TF: variants seen among roughly 807,000 people sequenced by gnomAD.
TF encodes serotransferrin.
In TF, 55 loss-of-function variants were observed where a neutral mutation model predicts 82.4. That is an observed-to-expected ratio of 0.67 (90% CI 0.54 to 0.84). The LOEUF (loss-of-function observed/expected upper bound fraction) is 0.84, where lower values mean the gene tolerates loss of function less well. TF is among the 40% of genes least tolerant of loss of function. The pLI, the probability that TF is intolerant of heterozygous loss-of-function variation, is 0.00. For missense variants in TF, 737 were observed against 868.4 expected (o/e 0.85, Z 1.90); for synonymous variants, 332 against 332.6 (o/e 1.00, Z 0.02).
At chr3:133,686,908 TG>T in the TF span, among the ~76,000 whole-genome samples, 1 of 152,316 alleles carries the variant, frequency 6.6e-6, no homozygotes, top group African/African-American at 2.4e-5. Flanking sequence ...ATGTTTATTG[TG>T]GCACTATTCA....
the TF span, among the ~76,000 whole-genome samples, chr3:133,733,310 C>G: frequency 6.6e-6 from 1 of 152,176 alleles, no homozygotes; most frequent in Non-Finnish European, 1.5e-5. Flanking sequence ...GTGACACAGG[C>G]TGCCTATTTC....
chr3:133,790,415 G>T lies in TF; in HGVS notation c.*11795G>T, dbSNP rs145864710. On this transcript the variant is annotated 3_prime_UTR_variant, in exon 17 of 17. Coordinates refer to ENST00000402696, the MANE Select transcript of TF (RefSeq NM_001063.4). ...AAGTTTGTGTTATTAGTGAGAAAAAGAATAATTTAGAAGTTATCTAAAAGT... is the reference window on the plus strand; with the variant it reads ...AAGTTTGTGTTATTAGTGAGAAAAATAATAATTTAGAAGTTATCTAAAAGT... The T allele has an allele frequency of 1.6e-3, 238 of 152,232 alleles. No homozygotes were observed. The highest frequency in any genetic ancestry group is 5.6e-3 in the African/African-American group (234 of 41,538). The allele number at this position is 152,232 out of a possible 1,614,324, so 9.4% of individuals were successfully genotyped here.
At position 133,796,505 on chromosome 3, in the gene TF, A is replaced by T. The variant is rs1018717135; in HGVS notation, c.*17885A>T. 3 of 152,298 alleles carry T rather than the reference A, an allele frequency of 2.0e-5. No individual in the cohort carries two copies. The highest frequency in any genetic ancestry group is 7.2e-5 in the African/African-American group (3 of 41,476). The allele number at this position is 152,298 out of a possible 1,614,324, so 9.4% of individuals were successfully genotyped here. A position where few individuals can be genotyped will look rare whatever the true frequency, so the allele number is the denominator to read the frequency against. ...TATTTACATAGGGCATACACTGAGT[A>T]ACCAATGGAAACCTCTAGAGGGTAT... is the stretch of plus-strand genomic sequence containing the variant. On this transcript the variant is annotated 3_prime_UTR_variant, in exon 17 of 17. Transcript: ENST00000402696.
chr3:133,730,843 G>T, the TF span, among the ~76,000 whole-genome samples: 1,457 of 152,252 alleles, frequency 9.6e-3, 25 homozygotes, highest in African/African-American at 0.033. Flanking sequence ...TCCCTGAGTG[G>T]TAGAAGTGTA....
chr3:133,730,028 CT>C, the TF span, among the ~76,000 whole-genome samples: 1 of 152,092 alleles, frequency 6.6e-6, no homozygotes, highest in East Asian at 1.9e-4. Flanking sequence ...TATTCTCTTG[CT>C]TTTTCATGTT....
chr3:133,741,271 A>G (rs1933384467), upstream of TF, among the ~76,000 whole-genome samples: 1 of 151,790 alleles, frequency 6.6e-6, no homozygotes, highest in Admixed American at 6.6e-5. Flanking sequence ...GTGATTATAG[A>G]CATGAGCCAC....
the TF span, among the ~76,000 whole-genome samples, chr3:133,671,630 AAAAT>A: frequency 6.6e-6 from 1 of 151,890 alleles, no homozygotes; most frequent in Non-Finnish European, 1.5e-5. Flanking sequence ...CTAAAAAATA[AAAAT>A]AAATAAAAAT....
chr3:133,684,115 T>G, the TF span, among the ~76,000 whole-genome samples: 1 of 152,070 alleles, frequency 6.6e-6, no homozygotes, highest in Non-Finnish European at 1.5e-5. Context: ...GGGTACATAA[T>G]GAAATGAAGG....
intron 11 of TF, among the ~76,000 whole-genome samples, chr3:133,765,712 A>T (rs1303436714): frequency 6.6e-6 from 1 of 152,262 alleles, no homozygotes; most frequent in African/African-American, 2.4e-5. Flanking sequence ...TTAAACTGGC[A>T]AACTGAAATC....
rs368597174 is a variant in TF, at chr3:133,778,975, T to C, written c.*355T>C. ...CAAGGAGACATCTTTTCTAAAAGGGTCTGCGTGATCATTAAAATATAATCA... is the reference window on the plus strand; with the variant it reads ...CAAGGAGACATCTTTTCTAAAAGGGCCTGCGTGATCATTAAAATATAATCA... On this transcript the variant is annotated 3_prime_UTR_variant, in exon 17 of 17. Transcript: ENST00000402696. 1 of 302,634 alleles carries C rather than the reference T, an allele frequency of 3.3e-6. No individual in the cohort carries two copies. 18.7% of individuals were successfully genotyped at this position (302,634 alleles called of 1,614,324 possible). A position where few individuals can be genotyped will look rare whatever the true frequency, so the allele number is the denominator to read the frequency against.
the TF span, among the ~76,000 whole-genome samples, chr3:133,682,758 G>A: frequency 1.3e-5 from 2 of 151,762 alleles, no homozygotes; most frequent in African/African-American, 4.8e-5. Context: ...GTGACGGGGA[G>A]TGGAACCAAG....
chr3:133,747,478 G>A (rs1353480748), intron 1 of TF, among the ~76,000 whole-genome samples: 1 of 152,226 alleles, frequency 6.6e-6, no homozygotes. Flanking sequence ...CCTCTCCACA[G>A]GCTTTGTGGA....
At chr3:133,664,605 T>A in the TF span, among the ~76,000 whole-genome samples, 1 of 152,082 alleles carries the variant, frequency 6.6e-6, no homozygotes, top group Non-Finnish European at 1.5e-5. Context: ...CAGGCATAAG[T>A]CACTGCGCCT....
chr3:133,757,032 C>T, intron 7 of TF, 23 bp downstream of exon 7: 1 of 1,614,110 alleles, frequency 6.2e-7, no homozygotes, highest in African/African-American at 1.3e-5. Context: ...GCCATCCTCC[C>T]CTCCAGCTTA....
intron 1 of TF, 139 bp downstream of exon 1, chr3:133,746,622 C>T (rs1933508793): frequency 1.1e-6 from 1 of 921,502 alleles, no homozygotes; most frequent in Non-Finnish European, 1.7e-6. Flanking sequence ...CATTGCCTCT[C>T]TACGCCCCAC....
upstream of TF, among the ~76,000 whole-genome samples, chr3:133,742,504 T>G (rs1026275506): frequency 3.3e-5 from 5 of 152,080 alleles, no homozygotes; most frequent in South Asian, 1.0e-3. Context: ...AGTGGTGTCA[T>G]GTGGCATTTC....
intron 10 of TF, 96 bp from the exon 11 acceptor site, chr3:133,764,779 C>T: frequency 8.0e-7 from 1 of 1,254,046 alleles, no homozygotes; most frequent in Non-Finnish European, 1.2e-6. Flanking sequence ...TTTTCTCTGA[C>T]TTTCTTTATT....
chr3:133,738,034 C>G, the TF span, among the ~76,000 whole-genome samples: 3 of 152,294 alleles, frequency 2.0e-5, no homozygotes, highest in East Asian at 5.8e-4. Flanking sequence ...GGTCAATATC[C>G]CTGATGAACA....
the TF span, among the ~76,000 whole-genome samples, chr3:133,663,849 A>G: frequency 6.6e-6 from 1 of 152,220 alleles, no homozygotes; most frequent in Non-Finnish European, 1.5e-5. Flanking sequence ...GCTGCTAATG[A>G]AGATGAAGAA....
Sources: gnomAD v4.1 joint callset for allele counts (sites outside exome capture counted in the v4.1 genomes callset) on GRCh38, gnomAD v4.1.1 for gene constraint, MANE v1.5 for transcripts, NCBI Gene and HGNC (gene_info 2026-07-23, HGNC 2026-07-21) for gene names.